Variants in KIF3A observed in about 807,000 individuals in gnomAD.
The protein encoded by KIF3A is kinesin family member 3A, also known as kinesin-like protein KIF3A.
A neutral mutation model predicts 92.6 loss-of-function variants in KIF3A; 27 were observed. That is an observed-to-expected ratio of 0.29 (90% CI 0.21 to 0.40). The LOEUF (loss-of-function observed/expected upper bound fraction) is 0.40. Among genes scored for constraint, KIF3A ranks in the 10% least tolerant of loss-of-function variants. The pLI, the probability that KIF3A is intolerant of heterozygous loss-of-function variation, is 1.00. For missense variants in KIF3A, 581 were observed against 872.6 expected (o/e 0.67, Z 4.21); for synonymous variants, 250 against 275.4 (o/e 0.91, Z 0.92).
chr5:132,719,393 G>C (rs935163817), intron 5 of KIF3A, among the ~76,000 whole-genome samples: 6 of 152,016 alleles, frequency 3.9e-5, no homozygotes, highest in Admixed American at 1.3e-4. Flanking sequence ...ATTGATTTTT[G>C]AAGTTTTGTT....
chr5:132,706,824 C>A (rs1753228647), intron 10 of KIF3A, among the ~76,000 whole-genome samples: 1 of 152,278 alleles, frequency 6.6e-6, no homozygotes, highest in Admixed American at 6.5e-5. Flanking sequence ...CTGCTAAGAT[C>A]TGGGAAGTAA....
intron 4 of KIF3A, 54 bp downstream of exon 4, chr5:132,726,074 G>T: frequency 7.7e-7 from 1 of 1,298,960 alleles, no homozygotes; most frequent in Non-Finnish European, 1.1e-6. Context: ...CCTTAATTTA[G>T]CAAATATTCT....
intron 5 of KIF3A, 116 bp downstream of exon 5, chr5:132,720,492 GT>G: frequency 1.7e-6 from 1 of 591,274 alleles, no homozygotes; most frequent in Admixed American, 3.3e-5. Context: ...AAGTGGAATG[GT>G]TTTCAAGAAA....
At chr5:132,707,807 T>C (rs1437288699) in intron 10 of KIF3A, among the ~76,000 whole-genome samples, 1 of 152,178 alleles carries the variant, frequency 6.6e-6, no homozygotes, top group African/African-American at 2.4e-5. Flanking sequence ...AGCTGCAGGC[T>C]GGTACAAGAA....
intron 15 of KIF3A, 31 bp downstream of exon 15, chr5:132,702,056 G>A (rs528958179): frequency 2.9e-5 from 46 of 1,582,946 alleles, no homozygotes; most frequent in African/African-American, 2.7e-5. Context: ...CCAGTCAAGC[G>A]ACTATCTCGG....
chr5:132,734,081 T>C lies in KIF3A; in HGVS notation c.280+124A>G, dbSNP rs565349843. 3.3e-5 allele frequency: 26 copies of C among 793,742 alleles called. 1 individual carries two copies. The East Asian group carries it at 6.7e-4, about 20-fold the overall frequency. 49.2% of individuals were successfully genotyped at this position (793,742 alleles called of 1,614,324 possible). On this transcript the variant is annotated intron_variant, in intron 2 of 18. Transcript: ENST00000403231. ...AGGGTGTTCTAAAGCTGGATTGTGA[T>C]GATGGTTTCACAACTGTATATATTT... is the stretch of plus-strand genomic sequence containing the variant.
intron 8 of KIF3A, among the ~76,000 whole-genome samples, chr5:132,712,008 G>A (rs778772773): frequency 2.0e-5 from 3 of 152,114 alleles, no homozygotes; most frequent in Non-Finnish European, 2.9e-5. Context: ...ATAAAATAGA[G>A]GAGAAAAAAG....
At chr5:132,703,409 T>C in intron 12 of KIF3A, 54 bp downstream of exon 12, 1 of 1,469,566 alleles carries the variant, frequency 6.8e-7, no homozygotes, top group East Asian at 2.3e-5. Context: ...TTATATATCC[T>C]AGGAAAAAAC....
chr5:132,715,117 G>C (rs755322038), intron 8 of KIF3A, among the ~76,000 whole-genome samples: 1 of 152,148 alleles, frequency 6.6e-6, no homozygotes, highest in African/African-American at 2.4e-5. Context: ...TCGCGAAGGA[G>C]CTCTGTACCA....
chr5:132,696,309 G>A lies in KIF3A; in HGVS notation c.*325C>T, dbSNP rs1752834494. 5.6e-6 allele frequency: 1 copy of A among 179,048 alleles called. No individual in the cohort carries two copies. Among genetic ancestry groups the A allele is most frequent in the African/African-American group, 2.4e-5 (1 of 42,324 alleles). The allele number at this position is 179,048 out of a possible 1,614,324, so 11.1% of individuals were successfully genotyped here. A position where few individuals can be genotyped will look rare whatever the true frequency, so the allele number is the denominator to read the frequency against. ...GAAATTCTAGTTACCTAAATATACA[G>A]TAGTTGGATAAATAGCTAATCGATT... is the stretch of plus-strand genomic sequence containing the variant. On this transcript the variant is annotated 3_prime_UTR_variant, in exon 19 of 19. Transcript: ENST00000403231.
At chr5:132,699,573 T>C (rs2149892663) in intron 17 of KIF3A, 1 of 478,082 alleles carries the variant, frequency 2.1e-6, no homozygotes, top group South Asian at 1.6e-5. Flanking sequence ...TTTTTTTTTT[T>C]TTTGAGACGG....
intron 3 of KIF3A, 43 bp from the exon 4 acceptor site, chr5:132,726,255 A>T: frequency 6.3e-7 from 1 of 1,581,302 alleles, no homozygotes; most frequent in Non-Finnish European, 8.7e-7. Context: ...TGAAATATTC[A>T]TAAGAACGGT....
At chr5:132,722,266 A>G (rs914473756) in intron 4 of KIF3A, among the ~76,000 whole-genome samples, 1 of 152,380 alleles carries the variant, frequency 6.6e-6, no homozygotes, top group East Asian at 1.9e-4. Context: ...ATGAAGAAAG[A>G]AAATATAATT....
At chr5:132,709,046 C>G (rs2299006) in intron 9 of KIF3A, 68 bp from the exon 10 acceptor site, 246,497 of 1,206,280 alleles carry the variant, frequency 0.2, 39,854 homozygotes, top group East Asian at 0.72. Flanking sequence ...AACACACACA[C>G]AGAGAAAAAT....
At position 132,712,377 on chromosome 5, in the gene KIF3A, G is replaced by A. The variant is rs556935215; in HGVS notation, c.1130-1320C>T. Among the ~76,000 whole-genome samples the A allele has an allele frequency of 5.9e-5, 9 of 152,248 alleles. No homozygotes were observed. In the South Asian group the frequency reaches 1.9e-3, roughly 32 times the overall value. On this transcript the variant is annotated intron_variant, in intron 8 of 18. Coordinates refer to ENST00000403231, the MANE Select transcript of KIF3A (RefSeq NM_001300791.2). Reference sequence around the variant, plus strand: ...AAGGATCTCATAATAGCCAAAGCTGGAACAATTCAATGAACAAAATAAATA... The same window carrying A: ...AAGGATCTCATAATAGCCAAAGCTGAAACAATTCAATGAACAAAATAAATA...
intron 7 of KIF3A, 118 bp downstream of exon 7, chr5:132,716,127 C>A: frequency 1.1e-6 from 1 of 950,962 alleles, no homozygotes; most frequent in South Asian, 1.7e-5. Context: ...AAAAGGACAA[C>A]CACAAGTCAA....
chr5:132,694,847 A>G lies in KIF3A; in HGVS notation c.*1787T>C, dbSNP rs541254973. On this transcript the variant is annotated 3_prime_UTR_variant, in exon 19 of 19. Transcript: ENST00000403231. ...TTACATACCACAAACAAATGCAGCC[A>G]GTGAAATGCAATTCTAATCACCTAG... 4.3e-4 allele frequency: 65 copies of G among 152,486 alleles called. No individual in the cohort carries two copies. The highest frequency in any genetic ancestry group is 1.5e-3 in the African/African-American group (61 of 41,588). The allele number at this position is 152,486 out of a possible 1,614,324, so 9.4% of individuals were successfully genotyped here.
intron 2 of KIF3A, 113 bp downstream of exon 2, chr5:132,734,092 C>T (rs953534824): frequency 2.3e-6 from 2 of 856,150 alleles, no homozygotes; most frequent in Non-Finnish European, 1.8e-6. Flanking sequence ...GATGGTTTCA[C>T]AACTGTATAT....
intron 4 of KIF3A, among the ~76,000 whole-genome samples, chr5:132,721,066 G>A (rs1258160293): frequency 6.6e-6 from 1 of 152,096 alleles, no homozygotes; most frequent in East Asian, 1.9e-4. Context: ...AAGAAAATGT[G>A]CAAGAATCCT....
Sources: gnomAD v4.1 joint callset for allele counts (sites outside exome capture counted in the v4.1 genomes callset) on GRCh38, gnomAD v4.1.1 for gene constraint, MANE v1.5 for transcripts, NCBI Gene and HGNC (gene_info 2026-07-23, HGNC 2026-07-21) for gene names.